Variants in FSIP1 observed in about 807,000 individuals in gnomAD.
FSIP1 encodes fibrous sheath-interacting protein 1.
Under a neutral mutation model 60.9 loss-of-function variants are expected in FSIP1, and 65 were observed. That is an observed-to-expected ratio of 1.07 (90% CI 0.87 to 1.31). FSIP1 has a LOEUF of 1.31. Among genes scored for constraint, FSIP1 ranks in the 40% most tolerant of loss-of-function variants. FSIP1 has a pLI of 0.00. For synonymous variants in FSIP1, 209 were observed against 221.2 expected (o/e 0.94, Z 0.49); for missense variants, 675 against 665.5 (o/e 1.01, Z -0.16).
intron 8 of FSIP1, among the ~76,000 whole-genome samples, chr15:39,728,939 CAG>C (rs1896302403): frequency 6.6e-6 from 1 of 151,948 alleles, no homozygotes; most frequent in African/African-American, 2.4e-5. Flanking sequence ...AAGACACAAA[CAG>C]ACAATTTTCT....
chr15:39,618,448 A>G (rs1013770515), intron 10 of FSIP1, among the ~76,000 whole-genome samples: 1 of 152,100 alleles, frequency 6.6e-6, no homozygotes, highest in Non-Finnish European at 1.5e-5. Flanking sequence ...TGTTTCTCTG[A>G]CCCCACCCAT....
rs1164146627 is a variant in FSIP1, at chr15:39,617,987, A to T, written c.1447T>A (p.Tyr483Asn). The T allele has an allele frequency of 6.2e-7, 1 of 1,614,224 alleles. No individual in the cohort carries two copies. Residue 483 changes from tyrosine (Y) to asparagine (N), a missense_variant, in exon 11 of 12, where the codon TAT (tyrosine) becomes AAT (asparagine). Coordinates refer to ENST00000350221, the MANE Select transcript of FSIP1 (RefSeq NM_152597.5). Reference protein sequence around the residue: ...SEECEASKGYYLTKALTGHNM... With the variant: ...SEECEASKGYNLTKALTGHNM... ...TGTCCAGTCAAGGCTTTAGTGAGAT[A>T]GTAGCCTTTAGAAGCTTCACATTCT...
intron 3 of FSIP1, among the ~76,000 whole-genome samples, chr15:39,769,476 ATTGT>A (rs1897809523): frequency 1.3e-5 from 2 of 152,180 alleles, no homozygotes; most frequent in Admixed American, 1.3e-4. Flanking sequence ...CTGAATGAGA[ATTGT>A]TTGTCAGTCA....
intron 10 of FSIP1, among the ~76,000 whole-genome samples, chr15:39,623,324 G>A (rs1443240089): frequency 1.3e-5 from 2 of 152,182 alleles, no homozygotes; most frequent in Non-Finnish European, 2.9e-5. Flanking sequence ...TAAACCAGCA[G>A]AAGCAATCTT....
intron 10 of FSIP1, among the ~76,000 whole-genome samples, chr15:39,705,433 T>C (rs1213313004): frequency 1.3e-5 from 2 of 152,172 alleles, no homozygotes; most frequent in Non-Finnish European, 2.9e-5. Context: ...AAAAAGTCCA[T>C]CATTATGTTA....
chr15:39,750,190 C>T (rs1010890991), intron 5 of FSIP1, among the ~76,000 whole-genome samples: 10 of 151,852 alleles, frequency 6.6e-5, no homozygotes, highest in African/African-American at 2.4e-4. Flanking sequence ...AAAGATACTC[C>T]GTGCTCATGG....
At chr15:39,607,523 G>A (rs978240816) in intron 11 of FSIP1, among the ~76,000 whole-genome samples, 1 of 152,150 alleles carries the variant, frequency 6.6e-6, no homozygotes, top group Non-Finnish European at 1.5e-5. Context: ...ACTGAACCTT[G>A]TATTCAAAAA....
At chr15:39,754,670 T>C (rs996696710) in intron 5 of FSIP1, among the ~76,000 whole-genome samples, 4 of 152,010 alleles carry the variant, frequency 2.6e-5, no homozygotes, top group African/African-American at 9.7e-5. Flanking sequence ...TTTAGGAGAC[T>C]AGGTGGGTGA....
At chr15:39,726,864 C>A (rs1896220667) in intron 8 of FSIP1, 117 bp from the exon 9 acceptor site, 1 of 640,968 alleles carries the variant, frequency 1.6e-6, no homozygotes, top group Non-Finnish European at 2.7e-6. Flanking sequence ...CACACACACA[C>A]ACACACACAA....
chr15:39,767,321 T>C (rs570695906), intron 3 of FSIP1, among the ~76,000 whole-genome samples: 4 of 152,328 alleles, frequency 2.6e-5, no homozygotes, highest in Admixed American at 1.3e-4. Context: ...TGAACATAGG[T>C]AGTCTATATA....
chr15:39,739,394 G>A (rs1218659351), intron 7 of FSIP1, among the ~76,000 whole-genome samples: 1 of 152,192 alleles, frequency 6.6e-6, no homozygotes, highest in African/African-American at 2.4e-5. Context: ...TTTGCAAATT[G>A]CAGGAAACAG....
At chr15:39,601,030 G>A in intron 11 of FSIP1, 104 bp from the exon 12 acceptor site, 2 of 839,744 alleles carry the variant, frequency 2.4e-6, no homozygotes, top group Non-Finnish European at 1.9e-6. Flanking sequence ...TTACACATGA[G>A]GCAATAATCA....
rs539041717 is a variant in FSIP1 at position 39,631,710 on chromosome 15, A to G, written c.1189-13465T>C. Among the ~76,000 whole-genome samples, 159 of 152,374 alleles carry G rather than the reference A, an allele frequency of 1.0e-3. 1 individual carries two copies. Among genetic ancestry groups the G allele is most frequent in the African/African-American group, 3.6e-3 (150 of 41,586 alleles). On this transcript the variant is annotated intron_variant, in intron 10 of 11. Coordinates refer to ENST00000350221, the MANE Select transcript of FSIP1 (RefSeq NM_152597.5). ...TAGAGGTTTAATTTGGTCTGCTGTG[A>G]AAATAGAACTGAATAATAATCACAG...
intron 10 of FSIP1, among the ~76,000 whole-genome samples, chr15:39,694,884 G>A (rs3103066): frequency 0.81 from 123,826 of 152,008 alleles, 50,874 homozygotes; most frequent in Non-Finnish European, 0.87. Context: ...AACTAGTTTT[G>A]AGTATTAAAA....
chr15:39,704,025 G>C lies in FSIP1; in HGVS notation c.1188+9419C>G, dbSNP rs72727038. On this transcript the variant is annotated intron_variant, in intron 10 of 11. Coordinates refer to ENST00000350221, the MANE Select transcript of FSIP1 (RefSeq NM_152597.5). ...AAATATATAATTCTGAAAATTTTAT[G>C]TTCTACTTGCTTGTTTCAAAATGGG... Among the ~76,000 whole-genome samples, 1,135 of 152,218 alleles carry C rather than the reference G, an allele frequency of 7.5e-3. 8 individuals are homozygous for C. Among genetic ancestry groups the C allele is most frequent in the South Asian group, 0.031 (148 of 4,822 alleles).
At chr15:39,710,202 G>A (rs139010864) in intron 10 of FSIP1, among the ~76,000 whole-genome samples, 12 of 152,118 alleles carry the variant, frequency 7.9e-5, no homozygotes, top group Non-Finnish European at 1.8e-4. Context: ...ATACAACAGG[G>A]CCAGGCATGG....
At chr15:39,734,120 T>C (rs1020433832) in intron 8 of FSIP1, among the ~76,000 whole-genome samples, 1 of 152,158 alleles carries the variant, frequency 6.6e-6, no homozygotes, top group Admixed American at 6.5e-5. Context: ...CTGATAAAAT[T>C]GTGAACTCCA....
chr15:39,674,070 T>C (rs1360942782), intron 10 of FSIP1, among the ~76,000 whole-genome samples: 3 of 151,744 alleles, frequency 2.0e-5, no homozygotes, highest in South Asian at 4.2e-4. Context: ...TTTTTTTTTT[T>C]CTGAGACAGA....
At chr15:39,720,778 C>A (rs984704211) in intron 9 of FSIP1, among the ~76,000 whole-genome samples, 1 of 152,024 alleles carries the variant, frequency 6.6e-6, no homozygotes, top group Non-Finnish European at 1.5e-5. Flanking sequence ...GTGGAAAGAA[C>A]GAACTGATTT....
Sources: allele counts gnomAD v4.1 joint callset (sites outside exome capture counted in the v4.1 genomes callset), GRCh38; gene constraint gnomAD v4.1.1; transcripts MANE v1.5; gene names NCBI Gene and HGNC (gene_info 2026-07-23, HGNC 2026-07-21).